The following CLIP3 variants were observed in gnomAD, a reference collection of about 807,000 sequenced individuals.
The protein encoded by CLIP3 is CAP-Gly domain containing linker protein 3, also known as CAP-Gly domain-containing linker protein 3.
A neutral mutation model predicts 59.4 loss-of-function variants in CLIP3; 15 were observed. That is an observed-to-expected ratio of 0.25 (90% CI 0.17 to 0.39). The LOEUF is 0.39. Among genes scored for constraint, CLIP3 ranks in the 10% least tolerant of loss-of-function variants. The probability of loss-of-function intolerance (pLI) is 1.00; values close to 1 mark genes in which losing one functional copy is unlikely to be tolerated. For missense variants in CLIP3, 495 were observed against 765.7 expected, an observed-to-expected ratio of 0.65 and a Z score of 4.17; for synonymous variants, 300 against 321.6, an observed-to-expected ratio of 0.93 and a Z score of 0.72.
chr19:36,032,291 C>T lies in CLIP3; in HGVS notation c.67G>A (p.Glu23Lys). ...PRGEEEEEEE[E>K]DEPVPEAPSP... ...GGGGCCTCGGGGACGGGTTCATCCTCCTCCTCCTCTTCTTCCTCCTCTCCT... is the reference window on the plus strand; with the variant it reads ...GGGGCCTCGGGGACGGGTTCATCCTTCTCCTCCTCTTCTTCCTCCTCTCCT... Residue 23 changes from glutamate (E) to lysine (K), a missense_variant, in exon 2 of 14, where the codon GAG becomes AAG. Around this residue, in one of 5 missense-constraint regions of CLIP3, gnomAD observed 90 missense variants for 105.2 expected, o/e 0.86. Coordinates refer to ENST00000360535, the MANE Select transcript of CLIP3 (RefSeq NM_015526.3). The surrounding 1 kb of genome is among the most constrained non-coding windows in gnomAD (Gnocchi z 4.3). The T allele has an allele frequency of 7.0e-6, 9 of 1,294,696 alleles. No individual in the cohort carries two copies. The highest frequency in any genetic ancestry group is 8.9e-6 in the Non-Finnish European group (9 of 1,013,116). 80.2% of individuals were successfully genotyped at this position (1,294,696 alleles called of 1,614,324 possible).
intron 7 of CLIP3, among the ~76,000 whole-genome samples, chr19:36,020,430 C>T (rs917075987): frequency 3.9e-4 from 59 of 151,920 alleles, no homozygotes; most frequent in African/African-American, 1.3e-3. Flanking sequence ...TGGTGAAACC[C>T]CCATCTCTAC....
At chr19:36,017,351 G>A (rs376500967) in intron 12 of CLIP3, 35 bp downstream of exon 12, 11 of 1,602,576 alleles carry the variant, frequency 6.9e-6, no homozygotes, top group East Asian at 4.5e-5. Flanking sequence ...ATCCCCAAAC[G>A]TACACTCCTC....
chr19:36,023,589 G>A (rs181931316), intron 7 of CLIP3, among the ~76,000 whole-genome samples: 143 of 149,620 alleles, frequency 9.6e-4, no homozygotes, highest in Non-Finnish European at 1.7e-3. Context: ...TTTCAATAGA[G>A]GCAGGATCTC....
chr19:36,028,154 G>A (rs560229111), intron 2 of CLIP3, among the ~76,000 whole-genome samples: 35 of 151,978 alleles, frequency 2.3e-4, no homozygotes, highest in African/African-American at 8.0e-4. Context: ...CTGGTCCAAC[G>A]TGGTGAAACC....
In CLIP3 at chr19:36,026,033, A is replaced by G; in HGVS notation, c.681+114T>C. 1.4e-6 allele frequency: 1 copy of G among 735,348 alleles called. No individual in the cohort carries two copies. The highest frequency in any genetic ancestry group is 1.6e-5 in the South Asian group (1 of 62,064). The allele number at this position is 735,348 out of a possible 1,614,324, so 45.6% of individuals were successfully genotyped here. Reference sequence around the variant, plus strand: ...AGCTGTTATTGCATTTGCTGAATGTACAGACGGCATTTGTAGTATTTGGGG... The same window carrying G: ...AGCTGTTATTGCATTTGCTGAATGTGCAGACGGCATTTGTAGTATTTGGGG... On this transcript the variant is annotated intron_variant, in intron 6 of 13. Coordinates refer to ENST00000360535, the MANE Select transcript of CLIP3 (RefSeq NM_015526.3). This position sits in a 1 kb window ranked among gnomAD's most constrained non-coding sequence, Gnocchi z 6.3.
At chr19:36,030,711 T>C (rs543829092) in intron 2 of CLIP3, among the ~76,000 whole-genome samples, 15 of 152,340 alleles carry the variant, frequency 9.8e-5, no homozygotes, top group Middle Eastern at 3.4e-3. Context: ...TTGAAGGCCC[T>C]TCCAGATCTG....
Position 36,031,008 on chromosome 19 carries a change from C to CTTTTTT in CLIP3, c.166+1178_166+1183dup, listed in dbSNP as rs374690845. Among the ~76,000 whole-genome samples, 641 of 77,756 alleles carry CTTTTTT rather than the reference C, an allele frequency of 8.2e-3. 1 individual carries two copies. The highest frequency in any genetic ancestry group is 0.011 in the East Asian group (31 of 2,936). 51.0% of individuals were successfully genotyped at this position (77,756 alleles called of 152,430 possible). ...TTTTTCTTTTTTCTTTTTTTCTTTTCTTTTTTTTTTTTTTCTTTTTTTTTT... is the reference window on the plus strand; with the variant it reads ...TTTTTCTTTTTTCTTTTTTTCTTTTCTTTTTTTTTTTTTTTTTTTTCTTTTTTTTTT... On this transcript the variant is annotated intron_variant, in intron 2 of 13. Coordinates refer to ENST00000360535, the MANE Select transcript of CLIP3 (RefSeq NM_015526.3).
intron 9 of CLIP3, 117 bp downstream of exon 9, chr19:36,018,781 G>A: frequency 7.2e-7 from 1 of 1,383,846 alleles, no homozygotes; most frequent in South Asian, 1.4e-5. Flanking sequence ...CAGGAACTCA[G>A]AGCTTGTCTT....
chr19:36,021,348 G>A lies in CLIP3; in HGVS notation c.919-2042C>T, dbSNP rs557653941. ...GCCCATGCCAGGGGTGCAGTGGCAC[G>A]ACCCTGGCACAGTGCAGCCTCAAAC... On this transcript the variant is annotated intron_variant, in intron 7 of 13. Transcript: ENST00000360535. Among the ~76,000 whole-genome samples the A allele has an allele frequency of 4.6e-5, 7 of 151,882 alleles. No individual in the cohort carries two copies. In the South Asian group the frequency reaches 8.3e-4, roughly 18 times the overall value.
chr19:36,016,848 CT>C lies in CLIP3; in HGVS notation c.1589+58del, dbSNP rs1371773411. 2.1e-5 allele frequency: 33 copies of C among 1,569,496 alleles called. No homozygotes were observed. The East Asian group carries it at 7.1e-4, about 34-fold the overall frequency. On this transcript the variant is annotated intron_variant, in intron 13 of 13. Transcript: ENST00000360535. This position sits in a 1 kb window ranked among gnomAD's most constrained non-coding sequence, Gnocchi z 4.1. ...GCTCCAGACCTCTGGGTCCAACTGC[CT>C]TATGGATCCCTCTCCCTGAATGTCA...
Position 36,024,378 on chromosome 19 carries a change from C to A in CLIP3, c.918+18G>T. On this transcript the variant is annotated intron_variant, in intron 7 of 13. Transcript: ENST00000360535. ...CCCACCCCCACCCACCATGCAAACA[C>A]ACATCCCAGCCCCTGACCTTCTGGC... 8.8e-6 allele frequency: 14 copies of A among 1,591,242 alleles called. No individual in the cohort carries two copies. The highest frequency in any genetic ancestry group is 1.3e-5 in the African/African-American group (1 of 74,612).
At chr19:36,031,041 T>TTTTTTTTTG (rs1969254407) in intron 2 of CLIP3, among the ~76,000 whole-genome samples, 1 of 133,702 alleles carries the variant, frequency 7.5e-6, no homozygotes, top group African/African-American at 3.0e-5. Context: ...TTTTTTTTTT[T>TTTTTTTTTG]GAGACAGTCT....
intron 2 of CLIP3, among the ~76,000 whole-genome samples, chr19:36,027,611 C>T (rs1295179635): frequency 6.6e-6 from 1 of 152,240 alleles, no homozygotes; most frequent in Non-Finnish European, 1.5e-5. Flanking sequence ...CTACTGACCT[C>T]ACCCACTGTT....
chr19:36,022,301 C>T (rs1211444573), intron 7 of CLIP3, among the ~76,000 whole-genome samples: 1 of 152,262 alleles, frequency 6.6e-6, no homozygotes, highest in East Asian at 1.9e-4. Context: ...TTAATTTAAA[C>T]CTCAACCAGC....
At position 36,016,290 on chromosome 19, in the gene CLIP3, C is replaced by T; in HGVS notation, c.1590-78G>A. On this transcript the variant is annotated intron_variant, in intron 13 of 13. Transcript: ENST00000360535. This position sits in a 1 kb window ranked among gnomAD's most constrained non-coding sequence, Gnocchi z 4.1. ...GCACCCATCACCCCCAGCCTTTCCC[C>T]CAGTGTTTGCTATCAGGCCTTTCTG... The T allele has an allele frequency of 3.3e-6, 5 of 1,532,876 alleles. No individual in the cohort carries two copies. Among genetic ancestry groups the T allele is most frequent in the Non-Finnish European group, 4.5e-6 (5 of 1,112,464 alleles). 95.0% of individuals were successfully genotyped at this position (1,532,876 alleles called of 1,614,324 possible). A position where few individuals can be genotyped will look rare whatever the true frequency, so the allele number is the denominator to read the frequency against.
intron 12 of CLIP3, 152 bp downstream of exon 12, chr19:36,017,234 T>C (rs999845492): frequency 4.7e-6 from 4 of 843,370 alleles, no homozygotes; most frequent in Non-Finnish European, 7.8e-6. Flanking sequence ...CTCTAGCACC[T>C]ATCTTTTTGT....
intron 9 of CLIP3, 61 bp from the exon 10 acceptor site, chr19:36,018,052 G>T: frequency 6.3e-7 from 1 of 1,589,416 alleles, no homozygotes; most frequent in Non-Finnish European, 8.6e-7. Context: ...GGAACCTCGT[G>T]CCACCTGGAA....
chr19:36,024,629 G>A lies in CLIP3; in HGVS notation c.685C>T (p.Arg229Ter). The A allele has an allele frequency of 1.9e-6, 3 of 1,613,800 alleles. No individual in the cohort carries two copies. Among genetic ancestry groups the A allele is most frequent in the Non-Finnish European group, 2.5e-6 (3 of 1,179,832 alleles). The change falls in exon 7 of 14, where the codon CGA becomes TGA. Residue 229 changes from arginine (R) to a stop codon, truncating the protein, a stop_gained. Transcript: ENST00000360535. LOFTEE classifies it high-confidence loss of function. ...EHGANPALRN[R>*]KGQVPAEVVP... ...ACCTCCGCCGGCACCTGTCCTTTTC[G>A]ATTCTGGGGGCCAATGGGAAAAGAA...
intron 2 of CLIP3, among the ~76,000 whole-genome samples, chr19:36,030,496 CT>C (rs1254607055): frequency 1.3e-5 from 2 of 152,204 alleles, no homozygotes; most frequent in Non-Finnish European, 2.9e-5. Context: ...AACCTCACAG[CT>C]GCCGGGGATT....
Sources: gnomAD v4.1 joint callset for allele counts (sites outside exome capture counted in the v4.1 genomes callset) on GRCh38, gnomAD v4.1.1 for gene constraint, gnomAD v4.1.1 regional missense constraint, Gnocchi (gnomAD v3.1) non-coding constraint, MANE v1.5 for transcripts, NCBI Gene and HGNC (gene_info 2026-07-23, HGNC 2026-07-21) for gene names.